The following PCDHA6 variants were observed in gnomAD, a reference collection of about 807,000 sequenced individuals.
PCDHA6 encodes the protein protocadherin alpha 6.
Under a neutral mutation model 60.3 loss-of-function variants are expected in PCDHA6, and 55 were observed. The observed-to-expected ratio is 0.91, with a 90% confidence interval of 0.73 to 1.14. The LOEUF (loss-of-function observed/expected upper bound fraction) is 1.14. Among genes scored for constraint, PCDHA6 ranks in the 50% most tolerant of loss-of-function variants. The pLI is 0.00. For missense variants in PCDHA6, 1,327 were observed against 1,256.5 expected, an observed-to-expected ratio of 1.06 and a Z score of -0.85; for synonymous variants, 652 against 557.9, an observed-to-expected ratio of 1.17 and a Z score of -2.38.
chr5:140,875,218 C>T (rs2055357705), intron 1 of PCDHA6: 1 of 744,910 alleles, frequency 1.3e-6, no homozygotes, highest in South Asian at 3.4e-5. Flanking sequence ...CGAAAAGAAC[C>T]TCAGGATCTT....
At chr5:140,857,849 G>A (rs782556733) in intron 1 of PCDHA6, 1 of 1,597,964 alleles carries the variant, frequency 6.3e-7, no homozygotes, top group South Asian at 1.1e-5. Flanking sequence ...CGCTGACTCT[G>A]GATACAACGC....
chr5:140,850,918 A>G (rs2150502117), intron 1 of PCDHA6: 3 of 1,529,350 alleles, frequency 2.0e-6, no homozygotes, highest in Non-Finnish European at 2.6e-6. Context: ...TTATTTATTT[A>G]TATAATTTTT....
intron 1 of PCDHA6, chr5:140,851,823 G>C (rs1554145549): frequency 1.0e-6 from 1 of 962,982 alleles, no homozygotes; most frequent in Non-Finnish European, 1.3e-6. Flanking sequence ...ACAGAAATCT[G>C]TTTTTTTAAA....
intron 1 of PCDHA6, chr5:140,851,313 C>T: frequency 1.0e-6 from 1 of 998,874 alleles, no homozygotes; most frequent in Non-Finnish European, 1.2e-6. Flanking sequence ...GCAATTGTTA[C>T]CTTGTTAAGT....
chr5:140,899,468 G>A (rs1243330987), intron 1 of PCDHA6, among the ~76,000 whole-genome samples: 131 of 152,196 alleles, frequency 8.6e-4, no homozygotes, highest in Admixed American at 2.5e-3. Context: ...TTTGTCTTTG[G>A]TTCTGTTTAT....
At chr5:140,883,760 C>A in intron 1 of PCDHA6, 1 of 1,612,790 alleles carries the variant, frequency 6.2e-7, no homozygotes, top group Non-Finnish European at 8.5e-7. Flanking sequence ...GGTGGAGCGG[C>A]GGGTGGGCGA....
rs77078209 is a variant in PCDHA6 at position 140,927,973 on chromosome 5, C to T, written c.2395-50976C>T. ...CGCTGCCCCTGGCACAGTGATTGCT[C>T]TCTTTAGTGTAAAGGATGAAGACCT... On this transcript the variant is annotated intron_variant, in intron 1 of 3. Transcript: ENST00000529310. The T allele has an allele frequency of 1.9e-6, 3 of 1,614,216 alleles. No individual in the cohort carries two copies. The East Asian group carries it at 6.7e-5, about 36-fold the overall frequency.
chr5:140,952,571 C>G (rs571628495), intron 1 of PCDHA6, among the ~76,000 whole-genome samples: 2 of 152,252 alleles, frequency 1.3e-5, no homozygotes, highest in East Asian at 3.9e-4. Flanking sequence ...ACTTCGGTCC[C>G]AATCATTCAA....
chr5:140,836,968 T>A, intron 1 of PCDHA6: 1 of 385,792 alleles, frequency 2.6e-6, no homozygotes, highest in South Asian at 6.2e-5. Flanking sequence ...TTGGCTACTC[T>A]CCATTTTTGG....
At chr5:140,848,693 G>C in intron 1 of PCDHA6, 1 of 1,592,386 alleles carries the variant, frequency 6.3e-7, no homozygotes, top group Non-Finnish European at 8.6e-7. Context: ...TGTTCCAGTT[G>C]GATTCCAAAG....
chr5:140,990,157 T>C (rs113813870), intron 3 of PCDHA6, among the ~76,000 whole-genome samples: 6 of 152,050 alleles, frequency 3.9e-5, no homozygotes, highest in African/African-American at 1.2e-4. Flanking sequence ...AATAGAAAGT[T>C]AGGGTATGAA....
intron 1 of PCDHA6, chr5:140,841,205 T>G (rs1319319145): frequency 1.5e-6 from 2 of 1,339,602 alleles, no homozygotes; most frequent in African/African-American, 3.0e-5. Context: ...TGACAGCATC[T>G]GTCTCTAAAG....
At chr5:140,852,353 C>A (rs1349870360) in intron 1 of PCDHA6, 2 of 209,384 alleles carry the variant, frequency 9.6e-6, no homozygotes, top group African/African-American at 4.8e-5. Flanking sequence ...TCTTGGCTCA[C>A]TGCAACGTCT....
intron 1 of PCDHA6, chr5:140,851,477 T>A: frequency 1.1e-6 from 1 of 890,896 alleles, no homozygotes; most frequent in Non-Finnish European, 1.4e-6. Flanking sequence ...ATAAATGTTA[T>A]AAACACAGCC....
intron 1 of PCDHA6, chr5:140,882,209 A>G (rs781846726): frequency 5.2e-6 from 8 of 1,531,724 alleles, no homozygotes; most frequent in Non-Finnish European, 7.0e-6. Context: ...GCCTTGAGAG[A>G]CAGTTTGAGG....
At chr5:140,929,592 C>A in intron 1 of PCDHA6, 1 of 424,552 alleles carries the variant, frequency 2.4e-6, no homozygotes, top group Non-Finnish European at 4.2e-6. Flanking sequence ...ACATAAAGGT[C>A]TAAAATTAAA....
chr5:140,875,143 G>A (rs2055292608), intron 1 of PCDHA6, among the ~76,000 whole-genome samples: 1 of 152,174 alleles, frequency 6.6e-6, no homozygotes, highest in Non-Finnish European at 1.5e-5. Context: ...ATTTATAAAT[G>A]ATCCGTGAAA....
rs2150178473 is a variant in PCDHA6 at position 140,829,951 on chromosome 5, C to T, written c.1860C>T (p.Phe620=). 3 of 1,614,004 alleles carry T rather than the reference C, an allele frequency of 1.9e-6. No homozygotes were observed. The highest frequency in any genetic ancestry group is 2.5e-6 in the Non-Finnish European group (3 of 1,179,922). The change falls in exon 1 of 4, where the codon TTC becomes TTT. Residue 620 remains phenylalanine, a synonymous_variant. Coordinates refer to ENST00000529310, the MANE Select transcript of PCDHA6 (RefSeq NM_018909.4). ...AGCCCCCGGCAAGCAGCGCTCGCTTCCCGTTTCGCGTGGGGCTGTACACGG... is the reference window on the plus strand; with the variant it reads ...AGCCCCCGGCAAGCAGCGCTCGCTTTCCGTTTCGCGTGGGGCTGTACACGG... ...ELQPPASSAR[F]PFRVGLYTGE... is the part of the protein sequence containing the mutation.
In PCDHA6 at chr5:141,009,694, A is replaced by G. The variant is rs782798367; in HGVS notation, c.2610A>G (p.Lys870=). The part of the protein sequence containing the change: ...AGVNSNSWTF[K]YGPGNPKQSG... ...TCAACAGCAACAGCTGGACCTTTAA[A>G]TACGGACCAGGCAACCCCAAACAAT... is the stretch of plus-strand genomic sequence containing the variant. The change falls in exon 4 of 4, where the codon AAA becomes AAG. Residue 870 remains lysine (K), a synonymous_variant. Transcript: ENST00000529310. 5 of 1,613,890 alleles carry G rather than the reference A, an allele frequency of 3.1e-6. No homozygotes were observed. In the Admixed American group the frequency reaches 6.7e-5, roughly 22 times the overall value.
Sources: allele counts gnomAD v4.1 joint callset (sites outside exome capture counted in the v4.1 genomes callset), GRCh38; gene constraint gnomAD v4.1.1; transcripts MANE v1.5; gene names NCBI Gene and HGNC (gene_info 2026-07-23, HGNC 2026-07-21).